Variants in ZNF630 observed in about 807,000 individuals in gnomAD.
ZNF630 encodes dJ54B20.2 (novel KRAB box containing C2H2 type zinc finger protein).
ZNF630 carries 5 observed loss-of-function variants against 7.2 expected under a neutral mutation model. The observed-to-expected ratio is 0.70, with a 90% CI of 0.36 to 1.46. The LOEUF is 1.46. Ranked by LOEUF, ZNF630 falls within the 40% of genes most tolerant of loss-of-function variation. The pLI is 0.03. For synonymous variants in ZNF630, 158 were observed against 162.8 expected, an observed-to-expected ratio of 0.97 and a Z score of 0.23; for missense variants, 461 against 477.0, an observed-to-expected ratio of 0.97 and a Z score of 0.31.
Position 48,066,991 on chromosome X carries a change from T to C in ZNF630, c.-105A>G. 3 of 891,023 alleles carry C rather than the reference T, an allele frequency of 3.4e-6. No homozygotes were observed. The highest frequency in any genetic ancestry group is 4.8e-6 in the Non-Finnish European group (3 of 623,192). The allele number at this position is 891,023 out of a possible 1,213,427, so 73.4% of individuals were successfully genotyped here. ...TCTTCAACAGCTGGATGTGACAATG[T>C]GTTGCTTGTTAATTCATTGATGACT... On this transcript the variant is annotated 5_prime_UTR_variant, in exon 2 of 5. Transcript: ENST00000276054.
rs2059091565 is a variant in ZNF630 at position 48,059,618 on chromosome X, T to A, written c.824A>T (p.Lys275Met). The A allele has an allele frequency of 5.0e-6, 6 of 1,207,301 alleles. No individual in the cohort carries two copies. Among genetic ancestry groups the A allele is most frequent in the Non-Finnish European group, 6.7e-6 (6 of 893,099 alleles). ...CSMCGKAFIK[K>M]SQLIIHQRIH... ...TCTTTGATGTATAATGAGCTGTGAC[T>A]TCTTGATAAAGGCTTTCCCACACAT... The change falls in exon 5 of 5, where the codon AAG becomes ATG. Residue 275 changes from lysine to methionine, a missense_variant. Physicochemically the swap from Lys to Met is moderately conservative, Grantham distance 95. Coordinates refer to ENST00000276054, the MANE Select transcript of ZNF630 (RefSeq NM_001282201.2).
chrX:48,060,386 G>A (rs1386019348), intron 4 of ZNF630, 64 bp downstream of exon 4: 53 of 1,068,749 alleles, frequency 5.0e-5, no homozygotes, highest in East Asian at 3.9e-4. Context: ...AAAAGGTAAC[G>A]GATGTCAGAG....
chrX:48,059,232 C>A lies in ZNF630; in HGVS notation c.1210G>T (p.Glu404Ter). ...AAGGTCTTCCCACATTCAGTACATT[C>A]ATAGGGCTTCTTCCCAGTATGAGTT... Reference protein sequence around the residue: ...QITHTGKKPYECTECGKTFPR... With the variant: ...QITHTGKKPY Residue 404 changes from glutamate to a stop codon, truncating the protein, a stop_gained, in exon 5 of 5, where the codon GAA (glutamate) becomes TAA (stop). Coordinates refer to ENST00000276054, the MANE Select transcript of ZNF630 (RefSeq NM_001282201.2). LOFTEE classifies it low-confidence loss of function (END_TRUNC). 8.3e-7 allele frequency: 1 copy of A among 1,208,526 alleles called. No homozygotes were observed. The highest frequency in any genetic ancestry group is 3.0e-5 in the East Asian group (1 of 33,798).
At chrX:48,069,002 G>A (rs1378645427) in intron 1 of ZNF630, among the ~76,000 whole-genome samples, 1 of 111,159 alleles carries the variant, frequency 9.0e-6, no homozygotes, top group Non-Finnish European at 1.9e-5. Context: ...TACTTTGGGA[G>A]GCCAAGGCAA....
intron 2 of ZNF630, among the ~76,000 whole-genome samples, chrX:48,062,976 G>GA (rs2059113632): frequency 4.5e-5 from 3 of 67,137 alleles, no homozygotes; most frequent in Admixed American, 1.6e-4. Flanking sequence ...GAGAGAGAGA[G>GA]GGAGGGAGGG....
chrX:48,064,148 T>C (rs1402699161), intron 2 of ZNF630, among the ~76,000 whole-genome samples: 5 of 110,839 alleles, frequency 4.5e-5, no homozygotes, highest in African/African-American at 9.9e-5. Flanking sequence ...GCACAGAGGG[T>C]TCCTGGGTGA....
In ZNF630 at chrX:48,057,584, A is replaced by G. The variant is rs1190039984; in HGVS notation, c.*884T>C. On this transcript the variant is annotated 3_prime_UTR_variant, in exon 5 of 5. Coordinates refer to ENST00000276054, the MANE Select transcript of ZNF630 (RefSeq NM_001282201.2). ...AATTGAGGGAAAAAATCACAAATAC[A>G]CTCTATGAGAACTATGTTGGAGAAA... is the stretch of plus-strand genomic sequence containing the variant. 9.0e-6 allele frequency among the ~76,000 whole-genome samples: 1 copy of G among 111,185 alleles called. No homozygotes were observed. The highest frequency in any genetic ancestry group is 1.9e-5 in the Non-Finnish European group (1 of 53,063).
intron 2 of ZNF630, 91 bp from the exon 3 acceptor site, chrX:48,061,036 C>T: frequency 1.2e-6 from 1 of 867,122 alleles, no homozygotes; most frequent in African/African-American, 2.0e-5. Flanking sequence ...CTTTGCCCAG[C>T]ATACTTTATG....
intron 1 of ZNF630, among the ~76,000 whole-genome samples, chrX:48,068,167 G>C (rs1443112975): frequency 6.7e-5 from 2 of 29,967 alleles, no homozygotes; most frequent in Non-Finnish European, 1.4e-4. Context: ...GAGGGAGGAA[G>C]AAGGAAGGAA....
intron 2 of ZNF630, chrX:48,066,373 T>G (rs1162264749): frequency 1.8e-5 from 2 of 109,022 alleles, no homozygotes; most frequent in East Asian, 5.6e-4. Context: ...AGGAACTGCC[T>G]TGAGTTGGGT....
chrX:48,062,713 G>A (rs965139294), intron 2 of ZNF630, among the ~76,000 whole-genome samples: 1 of 107,353 alleles, frequency 9.3e-6, no homozygotes, highest in Non-Finnish European at 1.9e-5. Context: ...AAGCCTGGGC[G>A]ACAGACTGAG....
intron 2 of ZNF630, chrX:48,061,920 C>T (rs991758037): frequency 2.5e-5 from 4 of 161,919 alleles, no homozygotes; most frequent in Non-Finnish European, 4.7e-5. Context: ...TGAGAACAGA[C>T]TAATACGATG....
intron 3 of ZNF630, 100 bp downstream of exon 3, chrX:48,060,719 C>T: frequency 1.0e-6 from 1 of 988,400 alleles, no homozygotes; most frequent in Non-Finnish European, 1.3e-6. Context: ...TAAAAGAACA[C>T]ACTCTATTAA....
chrX:48,065,299 C>T (rs1293464424), intron 2 of ZNF630, among the ~76,000 whole-genome samples: 4 of 109,772 alleles, frequency 3.6e-5, no homozygotes, highest in Admixed American at 2.0e-4. Context: ...GCCAGGAATT[C>T]GAGACCAGCC....
In ZNF630 at chrX:48,059,100, C is replaced by T; in HGVS notation, c.1342G>A (p.Gly448Arg). ...KTFCQQSHLI[G>R]HQRIHTGEKP... Reference sequence around the variant, plus strand: ...TCTCCTGTATGAATTCTTTGATGTCCTATGAGGTGGGACTGTTGGCAGAAA... The same window carrying T: ...TCTCCTGTATGAATTCTTTGATGTCTTATGAGGTGGGACTGTTGGCAGAAA... Residue 448 changes from glycine to arginine, a missense_variant, in exon 5 of 5, where the codon GGA becomes AGA. By Grantham distance (125) the Gly-to-Arg change is moderately radical. Transcript: ENST00000276054. The T allele has an allele frequency of 8.3e-7, 1 of 1,208,228 alleles. No individual in the cohort carries two copies. Among genetic ancestry groups the T allele is most frequent in the Non-Finnish European group, 1.1e-6 (1 of 893,171 alleles).
At chrX:48,067,541 C>T (rs1355371832) in intron 1 of ZNF630, among the ~76,000 whole-genome samples, 1 of 111,887 alleles carries the variant, frequency 8.9e-6, no homozygotes, top group Non-Finnish European at 1.9e-5. Context: ...AGGCCGGGTG[C>T]GGTGGGCCAG....
chrX:48,059,070 G>A lies in ZNF630; in HGVS notation c.1372C>T (p.Pro458Ser). ...GHQRIHTGEKPYVCTDCGKAF... is the reference protein window; with the variant it reads ...GHQRIHTGEKSYVCTDCGKAF... ...TTCCCACAGTCAGTACACACATAAG[G>A]TTTTTCTCCTGTATGAATTCTTTGA... The change falls in exon 5 of 5, where the codon CCT becomes TCT. Residue 458 changes from proline (P) to serine (S), a missense_variant. Transcript: ENST00000276054. 8.3e-7 allele frequency: 1 copy of A among 1,208,472 alleles called. No individual in the cohort carries two copies. Among genetic ancestry groups the A allele is most frequent in the Non-Finnish European group, 1.1e-6 (1 of 893,243 alleles).
chrX:48,061,289 A>G (rs2059104425), intron 2 of ZNF630, among the ~76,000 whole-genome samples: 1 of 111,478 alleles, frequency 9.0e-6, no homozygotes, highest in Non-Finnish European at 1.9e-5. Flanking sequence ...AAAAAGAGAA[A>G]CTATAAAATA....
intron 2 of ZNF630, among the ~76,000 whole-genome samples, chrX:48,064,446 GGCCCACAA>G (rs2146506647): frequency 9.0e-6 from 1 of 111,055 alleles, no homozygotes; most frequent in Non-Finnish European, 1.9e-5. Context: ...GTTTTTCAAT[GGCCCACAA>G]GCTAAACTGG....
Sources: gnomAD v4.1 joint callset for allele counts (sites outside exome capture counted in the v4.1 genomes callset) on GRCh38, gnomAD v4.1.1 for gene constraint, MANE v1.5 for transcripts, NCBI Gene and HGNC (gene_info 2026-07-23, HGNC 2026-07-21) for gene names.